TMEM248: variants seen among roughly 807,000 people sequenced by gnomAD.
The protein encoded by TMEM248 is transmembrane protein 248, also known as UPF0458 protein C7orf42.
A neutral mutation model predicts 30.3 loss-of-function variants in TMEM248; 9 were observed. The observed-to-expected ratio is 0.30, with a 90% CI of 0.18 to 0.52. TMEM248 has a LOEUF of 0.52. Ranked by LOEUF, TMEM248 falls within the 20% of genes least tolerant of loss-of-function variation. TMEM248 has a pLI of 0.97. For synonymous variants in TMEM248, 184 were observed against 154.4 expected, an observed-to-expected ratio of 1.19 and a Z score of -1.42; for missense variants, 338 against 403.3, an observed-to-expected ratio of 0.84 and a Z score of 1.39.
chr7:66,938,786 G>C (rs974113076), intron 1 of TMEM248, among the ~76,000 whole-genome samples: 43 of 152,318 alleles, frequency 2.8e-4, no homozygotes, highest in African/African-American at 9.9e-4. Context: ...GATTACAGGC[G>C]TGAGCCACTG....
In TMEM248 at chr7:66,936,116, G is replaced by A. The variant is rs1791796662; in HGVS notation, c.-18-5732G>A. ...CTGTTGAATTACGGTGGTGAAAGTG[G>A]GCATCCTTTTCATGTTCCAGATCTT... On this transcript the variant is annotated intron_variant, in intron 1 of 6. Coordinates refer to ENST00000341567, the MANE Select transcript of TMEM248 (RefSeq NM_017994.5). Among the ~76,000 whole-genome samples the A allele has an allele frequency of 3.3e-5, 5 of 152,064 alleles. No homozygotes were observed. The South Asian group carries it at 1.0e-3, about 32-fold the overall frequency.
Position 66,921,430 on chromosome 7 carries a change from G to T in TMEM248, c.-50G>T, listed in dbSNP as rs1006316067. On this transcript the variant is annotated 5_prime_UTR_variant, in exon 1 of 7. Coordinates refer to ENST00000341567, the MANE Select transcript of TMEM248 (RefSeq NM_017994.5). ...TCCGCCGAGCAGCTGGCCCGGCTGG[G>T]CCCGGGGCGCGCAGCTGCCCGCCGG... 5.3e-5 allele frequency: 8 copies of T among 150,076 alleles called. No homozygotes were observed. The highest frequency in any genetic ancestry group is 1.9e-4 in the African/African-American group (8 of 41,208). 9.3% of individuals were successfully genotyped at this position (150,076 alleles called of 1,614,324 possible).
At chr7:66,933,921 T>A (rs1791733592) in intron 1 of TMEM248, among the ~76,000 whole-genome samples, 1 of 152,030 alleles carries the variant, frequency 6.6e-6, no homozygotes. Context: ...TGGAATGAAT[T>A]TAGCGGGAGG....
At chr7:66,948,744 G>A (rs574021787) in intron 4 of TMEM248, 50 bp downstream of exon 4, 14 of 1,575,404 alleles carry the variant, frequency 8.9e-6, no homozygotes, top group East Asian at 4.5e-5. Flanking sequence ...TCCACTTGCC[G>A]TGAGTACGGC....
intron 1 of TMEM248, among the ~76,000 whole-genome samples, chr7:66,938,859 C>T (rs1791872749): frequency 6.6e-6 from 1 of 152,116 alleles, no homozygotes; most frequent in South Asian, 2.1e-4. Flanking sequence ...TAAAGAAAAC[C>T]CAGACTTGGA....
intron 1 of TMEM248, among the ~76,000 whole-genome samples, chr7:66,926,409 C>T (rs891056449): frequency 1.2e-4 from 18 of 152,276 alleles, no homozygotes; most frequent in African/African-American, 4.3e-4. Flanking sequence ...TGCTTGAGGT[C>T]AGGAGTTCGA....
At chr7:66,943,775 G>A (rs935301380) in intron 2 of TMEM248, among the ~76,000 whole-genome samples, 1 of 151,632 alleles carries the variant, frequency 6.6e-6, no homozygotes, top group Non-Finnish European at 1.5e-5. Flanking sequence ...TACTGGGCTG[G>A]GTAGGGGTTG....
At chr7:66,924,842 T>G (rs535249980) in intron 1 of TMEM248, among the ~76,000 whole-genome samples, 14 of 152,204 alleles carry the variant, frequency 9.2e-5, no homozygotes, top group Non-Finnish European at 1.6e-4. Context: ...CCCGTGTAGC[T>G]GGGACTACAG....
At chr7:66,941,561 AACACACACACACAC>A (rs72442084) in intron 1 of TMEM248, among the ~76,000 whole-genome samples, 129 of 142,788 alleles carry the variant, frequency 9.0e-4, no homozygotes, top group African/African-American at 3.1e-3. Context: ...TGTTTCTTAA[AACACACACACACAC>A]ACACACACAC....
In TMEM248 at chr7:66,951,057, T is replaced by A; in HGVS notation, c.702T>A (p.Asn234Lys). 6.2e-7 allele frequency: 1 copy of A among 1,612,980 alleles called. No individual in the cohort carries two copies. Among genetic ancestry groups the A allele is most frequent in the Non-Finnish European group, 8.5e-7 (1 of 1,179,724 alleles). Residue 234 changes from asparagine (N) to lysine (K), a missense_variant, in exon 5 of 7, where the codon AAT (asparagine) becomes AAA (lysine). Asn to Lys is a moderately conservative substitution (Grantham distance 94). Coordinates refer to ENST00000341567, the MANE Select transcript of TMEM248 (RefSeq NM_017994.5). Reference sequence around the variant, plus strand: ...ACACAAAATACGCCCAAGATTACAATCCTTTCTGGTGTTATAAGGGGGCCA... The same window carrying A: ...ACACAAAATACGCCCAAGATTACAAACCTTTCTGGTGTTATAAGGGGGCCA... ...DANTKYAQDY[N>K]PFWCYKGAIG...
At chr7:66,924,102 C>G (rs1791460978) in intron 1 of TMEM248, among the ~76,000 whole-genome samples, 1 of 152,208 alleles carries the variant, frequency 6.6e-6, no homozygotes, top group Non-Finnish European at 1.5e-5. Flanking sequence ...CTGGTATTGA[C>G]AATCAGGAAA....
intron 6 of TMEM248, among the ~76,000 whole-genome samples, chr7:66,955,247 A>C (rs1361577834): frequency 6.6e-6 from 1 of 152,234 alleles, no homozygotes; most frequent in Non-Finnish European, 1.5e-5. Context: ...TGGACAACAG[A>C]GCGAGACCGT....
At position 66,953,424 on chromosome 7, in the gene TMEM248, A is replaced by G. The variant is rs1304110441; in HGVS notation, c.924+55A>G. ...TTTTACTAGAGGTCTCTGTATACAGAAAGTCCCAGTTATCCTTATTCTATT... is the reference window on the plus strand; with the variant it reads ...TTTTACTAGAGGTCTCTGTATACAGGAAGTCCCAGTTATCCTTATTCTATT... On this transcript the variant is annotated intron_variant, in intron 6 of 6. Transcript: ENST00000341567. 10 of 1,586,612 alleles carry G rather than the reference A, an allele frequency of 6.3e-6. No individual in the cohort carries two copies. The Admixed American group carries it at 9.0e-5, about 14-fold the overall frequency.
At chr7:66,946,532 A>C (rs1792111629) in intron 3 of TMEM248, among the ~76,000 whole-genome samples, 1 of 151,906 alleles carries the variant, frequency 6.6e-6, no homozygotes, top group South Asian at 2.1e-4. Context: ...GTGAGCCAAG[A>C]TCATGCCACT....
At chr7:66,924,090 G>C (rs1042239868) in intron 1 of TMEM248, among the ~76,000 whole-genome samples, 1 of 152,220 alleles carries the variant, frequency 6.6e-6, no homozygotes, top group Non-Finnish European at 1.5e-5. Flanking sequence ...TGTCATTCCT[G>C]TCTGGTATTG....
At chr7:66,949,206 G>C (rs1274836327) in intron 4 of TMEM248, among the ~76,000 whole-genome samples, 1 of 151,844 alleles carries the variant, frequency 6.6e-6, no homozygotes, top group Non-Finnish European at 1.5e-5. Flanking sequence ...AAGGTTTTCA[G>C]CCAGGTGCGG....
intron 1 of TMEM248, among the ~76,000 whole-genome samples, chr7:66,937,974 C>T (rs1393254191): frequency 6.6e-6 from 1 of 152,162 alleles, no homozygotes; most frequent in East Asian, 1.9e-4. Flanking sequence ...GATCTGCCCA[C>T]CTCAGCCTCC....
intron 2 of TMEM248, among the ~76,000 whole-genome samples, chr7:66,943,573 A>C (rs1355837875): frequency 6.6e-6 from 1 of 152,148 alleles, no homozygotes; most frequent in East Asian, 1.9e-4. Flanking sequence ...GAGAGTCCCT[A>C]ATTTGCCCTG....
Position 66,958,241 on chromosome 7 carries a change from G to A in TMEM248, c.*2719G>A, listed in dbSNP as rs577834603. On this transcript the variant is annotated 3_prime_UTR_variant, in exon 7 of 7. Coordinates refer to ENST00000341567, the MANE Select transcript of TMEM248 (RefSeq NM_017994.5). ...TAAAACGATTGTTTCGGATCATATTGATCTCTTTCCTTTTTCCTTTTGTCC... is the reference window on the plus strand; with the variant it reads ...TAAAACGATTGTTTCGGATCATATTAATCTCTTTCCTTTTTCCTTTTGTCC... 5 of 152,832 alleles carry A rather than the reference G, an allele frequency of 3.3e-5. No individual in the cohort carries two copies. Among genetic ancestry groups the A allele is most frequent in the African/African-American group, 1.2e-4 (5 of 41,596 alleles). 9.5% of individuals were successfully genotyped at this position (152,832 alleles called of 1,614,324 possible).
Sources: gnomAD v4.1 joint callset for allele counts (sites outside exome capture counted in the v4.1 genomes callset) on GRCh38, gnomAD v4.1.1 for gene constraint, MANE v1.5 for transcripts, NCBI Gene and HGNC (gene_info 2026-07-23, HGNC 2026-07-21) for gene names.